Variants in PTPRD observed in about 807,000 individuals in gnomAD.
PTPRD encodes receptor-type tyrosine-protein phosphatase delta.
PTPRD carries 34 observed loss-of-function variants against 214.5 expected under a neutral mutation model. That is an observed-to-expected ratio of 0.16 (90% CI 0.12 to 0.21). The LOEUF is 0.21. Among genes scored for constraint, PTPRD ranks in the 10% least tolerant of loss-of-function variants. PTPRD has a pLI of 1.00. For synonymous variants in PTPRD, 1,128 were observed against 845.7 expected (o/e 1.33, Z -5.79); for missense variants, 2,545 against 2,398.7 (o/e 1.06, Z -1.27).
chr9:9,510,617 A>G (rs888353094), intron 8 of PTPRD, among the ~76,000 whole-genome samples: 9 of 151,360 alleles, frequency 5.9e-5, no homozygotes, highest in African/African-American at 1.7e-4. Flanking sequence ...ATATCTTACT[A>G]CCAGCCATTA....
At chr9:8,554,804 C>G (rs1446318685) in intron 14 of PTPRD, among the ~76,000 whole-genome samples, 1 of 152,148 alleles carries the variant, frequency 6.6e-6, no homozygotes, top group Non-Finnish European at 1.5e-5. Flanking sequence ...CACACAGAAG[C>G]CTGCAAACCC....
chr9:9,144,475 C>T (rs1006626132), intron 10 of PTPRD, among the ~76,000 whole-genome samples: 1 of 152,090 alleles, frequency 6.6e-6, no homozygotes, highest in Non-Finnish European at 1.5e-5. Flanking sequence ...TTCTTTAGGC[C>T]GGGTGCGGTG....
At chr9:8,827,946 T>C (rs2097208421) in intron 11 of PTPRD, among the ~76,000 whole-genome samples, 1 of 152,282 alleles carries the variant, frequency 6.6e-6, no homozygotes, top group Admixed American at 6.5e-5. Context: ...GCACATTTAA[T>C]TAGTACTTAT....
chr9:9,730,815 G>C lies in PTPRD; in HGVS notation c.-287+3718C>G, dbSNP rs1178026273. On this transcript the variant is annotated intron_variant, in intron 7 of 45. Transcript: ENST00000381196. ...GTGATATTAAAATGCCCTTTACAAA[G>C]TGAGACTGGAAGCATGAAATGAGAA... Among the ~76,000 whole-genome samples, 10 of 152,078 alleles carry C rather than the reference G, an allele frequency of 6.6e-5. No homozygotes were observed. The East Asian group carries it at 1.9e-3, about 29-fold the overall frequency.
chr9:8,748,339 T>C (rs568503336), intron 11 of PTPRD, among the ~76,000 whole-genome samples: 430 of 151,608 alleles, frequency 2.8e-3, no homozygotes, highest in Middle Eastern at 0.02. Context: ...AAATGCTAAT[T>C]AGGCAAAAAC....
At chr9:10,407,081 C>G (rs1241901847) in intron 2 of PTPRD, among the ~76,000 whole-genome samples, 2 of 151,446 alleles carry the variant, frequency 1.3e-5, no homozygotes, top group East Asian at 3.9e-4. Context: ...TTATAATGCC[C>G]AACGTCTTCT....
chr9:9,277,730 C>T (rs1396509145), intron 9 of PTPRD, among the ~76,000 whole-genome samples: 2 of 151,232 alleles, frequency 1.3e-5, no homozygotes, highest in African/African-American at 4.8e-5. Flanking sequence ...AGATGTTTAA[C>T]CAACCTTTGA....
intron 10 of PTPRD, among the ~76,000 whole-genome samples, chr9:9,137,591 C>A (rs760501593): frequency 1.1e-4 from 16 of 152,116 alleles, no homozygotes; most frequent in Non-Finnish European, 1.5e-4. Flanking sequence ...GGATGAACTT[C>A]TTTATGAAAT....
intron 3 of PTPRD, among the ~76,000 whole-genome samples, chr9:10,109,866 T>C (rs986164543): frequency 2.0e-5 from 3 of 151,956 alleles, no homozygotes; most frequent in Non-Finnish European, 4.4e-5. Context: ...TCAAGAAAGA[T>C]TGTGACAGGA....
intron 11 of PTPRD, among the ~76,000 whole-genome samples, chr9:8,969,947 G>A (rs1439028162): frequency 6.6e-6 from 1 of 151,900 alleles, no homozygotes; most frequent in African/African-American, 2.4e-5. Flanking sequence ...ATGAAAGCAT[G>A]GTGTGTTATG....
intron 8 of PTPRD, among the ~76,000 whole-genome samples, chr9:9,528,168 A>G (rs1388022301): frequency 2.0e-5 from 3 of 152,208 alleles, no homozygotes; most frequent in Non-Finnish European, 4.4e-5. Context: ...GCAGAGAGAG[A>G]TAATTCTGTA....
At chr9:10,257,666 C>T (rs997427522) in intron 3 of PTPRD, among the ~76,000 whole-genome samples, 2 of 152,162 alleles carry the variant, frequency 1.3e-5, no homozygotes, top group Middle Eastern at 3.2e-3. Flanking sequence ...AGAGGAGAGA[C>T]ATCTGACCCC....
intron 12 of PTPRD, among the ~76,000 whole-genome samples, chr9:8,654,746 A>G (rs1210472275): frequency 1.3e-5 from 2 of 152,206 alleles, no homozygotes; most frequent in Non-Finnish European, 2.9e-5. Flanking sequence ...TTGGTAAAAA[A>G]TAAACTTAAT....
At chr9:9,406,142 G>A (rs1231637707) in intron 8 of PTPRD, among the ~76,000 whole-genome samples, 1 of 151,932 alleles carries the variant, frequency 6.6e-6, no homozygotes. Context: ...TAAGGAGAAT[G>A]TTTGCATACC....
chr9:9,316,254 G>A (rs1008508789), intron 9 of PTPRD, among the ~76,000 whole-genome samples: 30 of 151,392 alleles, frequency 2.0e-4, no homozygotes, highest in African/African-American at 7.0e-4. Flanking sequence ...CTCCCCTACC[G>A]TCTCTCTTAT....
intron 5 of PTPRD, among the ~76,000 whole-genome samples, chr9:9,805,344 A>AC (rs2099066242): frequency 6.6e-6 from 1 of 152,168 alleles, no homozygotes; most frequent in Non-Finnish European, 1.5e-5. Flanking sequence ...TGATATTGTT[A>AC]TTAATGAGAG....
intron 3 of PTPRD, among the ~76,000 whole-genome samples, chr9:10,331,937 G>C (rs1173808863): frequency 6.6e-6 from 1 of 151,828 alleles, no homozygotes; most frequent in East Asian, 1.9e-4. Context: ...TCAATGTTCA[G>C]GGTAGGGGAT....
chr9:8,757,453 A>G (rs929667781), intron 11 of PTPRD, among the ~76,000 whole-genome samples: 3 of 152,020 alleles, frequency 2.0e-5, no homozygotes, highest in Non-Finnish European at 4.4e-5. Context: ...TACAAATACC[A>G]TATACCATAC....
chr9:8,791,099 T>A (rs1011496347), intron 11 of PTPRD, among the ~76,000 whole-genome samples: 1 of 152,080 alleles, frequency 6.6e-6, no homozygotes, highest in African/African-American at 2.4e-5. Context: ...GAGAGTGAAC[T>A]AAAGGCAGAA....
Sources: gnomAD v4.1 joint callset for allele counts (sites outside exome capture counted in the v4.1 genomes callset) on GRCh38, gnomAD v4.1.1 for gene constraint, MANE v1.5 for transcripts, NCBI Gene and HGNC (gene_info 2026-07-23, HGNC 2026-07-21) for gene names.